Variants in DGKH observed in about 807,000 individuals in gnomAD.
DGKH encodes the protein diacylglycerol kinase eta.
A neutral mutation model predicts 159.3 loss-of-function variants in DGKH; 90 were observed. The ratio of observed to expected loss-of-function variants is 0.57; its 90% CI spans 0.48 to 0.67. The LOEUF is 0.67. DGKH is among the 30% of genes least tolerant of loss of function. DGKH has a pLI of 0.00. For missense variants in DGKH, 1,181 were observed against 1,506.1 expected (o/e 0.78, Z 3.57); for synonymous variants, 536 against 553.8 (o/e 0.97, Z 0.45).
At chr13:42,180,772 A>C (rs1042200369) in intron 13 of DGKH, among the ~76,000 whole-genome samples, 3 of 152,230 alleles carry the variant, frequency 2.0e-5, no homozygotes, top group Non-Finnish European at 2.9e-5. Context: ...AAAGAGGCTG[A>C]AGAGAAAAAA....
intron 1 of DGKH, among the ~76,000 whole-genome samples, chr13:42,071,578 T>C (rs1882972376): frequency 6.6e-6 from 1 of 152,208 alleles, no homozygotes; most frequent in African/African-American, 2.4e-5. Flanking sequence ...CTATTTGCGT[T>C]TTGCTTCTTT....
Position 42,127,466 on chromosome 13 carries a change from A to G in DGKH, c.196A>G (p.Ser66Gly), listed in dbSNP as rs1594063304. The G allele has an allele frequency of 1.9e-5, 31 of 1,611,222 alleles. No homozygotes were observed. The East Asian group carries it at 6.9e-4, about 36-fold the overall frequency. Residue 66 changes from serine to glycine, a missense_variant, in exon 2 of 30, where the codon AGT becomes GGT. Physicochemically the swap from Ser to Gly is moderately conservative, Grantham distance 56. Transcript: ENST00000337343. ...TTGTGCTTCTGCTTCTCTCTAGACC[A>G]GTATTAAAGAGGGACAGCTATTGAA... ...STSGQIRTKTSIKEGQLLKQT... is the reference protein window; with the variant it reads ...STSGQIRTKTGIKEGQLLKQT...
intron 1 of DGKH, among the ~76,000 whole-genome samples, chr13:42,086,305 TATAATC>T (rs1232787018): frequency 6.6e-6 from 1 of 152,204 alleles, no homozygotes; most frequent in African/African-American, 2.4e-5. Flanking sequence ...TTGCTTTAGA[TATAATC>T]AGATTCAGTA....
intron 2 of DGKH, 62 bp from the exon 3 acceptor site, chr13:42,129,490 T>C (rs1955243660): frequency 1.5e-5 from 20 of 1,362,680 alleles, no homozygotes; most frequent in Non-Finnish European, 2.0e-5. Context: ...TGAAAAAATG[T>C]ATTGAAGAGC....
At chr13:42,163,920 G>T (rs1956253018) in intron 7 of DGKH, among the ~76,000 whole-genome samples, 1 of 152,166 alleles carries the variant, frequency 6.6e-6, no homozygotes, top group African/African-American at 2.4e-5. Flanking sequence ...TGGTGTTTCA[G>T]ACATGAAGTC....
chr13:42,052,545 C>A (rs1881403106), intron 1 of DGKH, among the ~76,000 whole-genome samples: 1 of 152,226 alleles, frequency 6.6e-6, no homozygotes, highest in African/African-American at 2.4e-5. Flanking sequence ...CATATCTCTT[C>A]CCCCTCTTTA....
At position 42,219,256 on chromosome 13, in the gene DGKH, A is replaced by G. The variant is rs1441161367; in HGVS notation, c.3240A>G (p.Arg1080=). 2 of 1,613,736 alleles carry G rather than the reference A, an allele frequency of 1.2e-6. No individual in the cohort carries two copies. Among genetic ancestry groups the G allele is most frequent in the Non-Finnish European group, 1.7e-6 (2 of 1,179,878 alleles). ...AGCTGGAATCGCCACATGAAGAGCG[A>G]GTATCCAATGCCTTACACTCTGTGG... ...PLQLESPHEE[R]VSNALHSVEV... The change falls in exon 27 of 30, where the codon CGA becomes CGG. Residue 1080 remains arginine, a synonymous_variant. Coordinates refer to ENST00000337343, the MANE Select transcript of DGKH (RefSeq NM_178009.5).
intron 29 of DGKH, among the ~76,000 whole-genome samples, chr13:42,249,915 T>A (rs2138337955): frequency 6.6e-6 from 1 of 152,272 alleles, no homozygotes; most frequent in East Asian, 1.9e-4. Context: ...TGGCCAGGAT[T>A]AGGGATCACT....
chr13:42,148,382 A>G (rs1328350264), intron 3 of DGKH, among the ~76,000 whole-genome samples: 2 of 152,198 alleles, frequency 1.3e-5, no homozygotes, highest in African/African-American at 4.8e-5. Flanking sequence ...CACTCCTCAC[A>G]ATGAGTTAGC....
intron 3 of DGKH, among the ~76,000 whole-genome samples, chr13:42,147,777 C>T (rs1245599881): frequency 6.6e-6 from 1 of 152,024 alleles, no homozygotes; most frequent in East Asian, 1.9e-4. Context: ...TCTCAATTTC[C>T]CATGTGCGTT....
chr13:42,165,862 C>T (rs183003208), intron 8 of DGKH, among the ~76,000 whole-genome samples: 1 of 152,164 alleles, frequency 6.6e-6, no homozygotes, highest in Admixed American at 6.5e-5. Flanking sequence ...AATCTTACAA[C>T]TTAACTCTAA....
intron 20 of DGKH, among the ~76,000 whole-genome samples, chr13:42,205,747 T>C (rs1957451547): frequency 6.6e-6 from 1 of 152,100 alleles, no homozygotes; most frequent in Non-Finnish European, 1.5e-5. Flanking sequence ...TGAAAGTACA[T>C]AAAAGGCCTG....
chr13:42,214,300 A>AT (rs998546201), intron 24 of DGKH, among the ~76,000 whole-genome samples: 5 of 152,094 alleles, frequency 3.3e-5, no homozygotes, highest in African/African-American at 1.2e-4. Flanking sequence ...TTATACAAAG[A>AT]TTTTTTATTT....
chr13:42,114,080 C>T (rs1408081653), intron 1 of DGKH, among the ~76,000 whole-genome samples: 1 of 152,178 alleles, frequency 6.6e-6, no homozygotes, highest in African/African-American at 2.4e-5. Flanking sequence ...TACCCATCCT[C>T]TCCACAAAGA....
chr13:42,068,780 A>G (rs1227880019), intron 1 of DGKH, among the ~76,000 whole-genome samples: 1 of 152,222 alleles, frequency 6.6e-6, no homozygotes, highest in Non-Finnish European at 1.5e-5. Flanking sequence ...TCACATGTAG[A>G]AAAAGAAAGT....
chr13:42,184,566 A>G (rs1956859707), intron 13 of DGKH, among the ~76,000 whole-genome samples: 1 of 152,214 alleles, frequency 6.6e-6, no homozygotes, highest in African/African-American at 2.4e-5. Flanking sequence ...TGGAAATGCC[A>G]AAAGTTCTGT....
intron 30 of DGKH, among the ~76,000 whole-genome samples, chr13:42,252,970 C>T (rs1259260400): frequency 6.6e-6 from 1 of 151,956 alleles, no homozygotes; most frequent in Non-Finnish European, 1.5e-5. Context: ...TTGGTCTTGA[C>T]CGGCCTCCTA....
chr13:42,068,979 A>AG, intron 1 of DGKH: 1 of 1,491,666 alleles, frequency 6.7e-7, no homozygotes, highest in Non-Finnish European at 9.3e-7. Context: ...GAGGAATTTG[A>AG]GGGGAAGATT....
rs537230102 is a variant in DGKH, at chr13:42,241,765, C to A, written c.*12577C>A. On this transcript the variant is annotated 3_prime_UTR_variant, in exon 30 of 30. Coordinates refer to ENST00000337343, the MANE Select transcript of DGKH (RefSeq NM_178009.5). ...GCGGTAATATTTAACAGGTAGCATA[C>A]GTATCTAAGCATATAGTAAATATTA... 1 of 152,126 alleles carries A rather than the reference C, an allele frequency of 6.6e-6. No homozygotes were observed. The highest frequency in any genetic ancestry group is 1.5e-5 in the Non-Finnish European group (1 of 68,018). 9.4% of individuals were successfully genotyped at this position (152,126 alleles called of 1,614,324 possible).
Sources: gnomAD v4.1 joint callset for allele counts (sites outside exome capture counted in the v4.1 genomes callset) on GRCh38, gnomAD v4.1.1 for gene constraint, MANE v1.5 for transcripts, NCBI Gene and HGNC (gene_info 2026-07-23, HGNC 2026-07-21) for gene names.